MLLT3: variants seen among roughly 807,000 people sequenced by gnomAD.
MLLT3 encodes the protein protein AF-9.
MLLT3 carries 4 observed loss-of-function variants against 53.2 expected under a neutral mutation model. The ratio of observed to expected loss-of-function variants is 0.08; its 90% CI spans 0.04 to 0.17. The LOEUF is 0.17. Ranked by LOEUF, MLLT3 falls within the 10% of genes least tolerant of loss-of-function variation. The pLI is 1.00. For synonymous variants in MLLT3, 283 were observed against 230.6 expected (o/e 1.23, Z -2.06); for missense variants, 569 against 684.0 (o/e 0.83, Z 1.87).
At chr9:20,350,468 G>A (rs995618100) in intron 10 of MLLT3, among the ~76,000 whole-genome samples, 11 of 150,880 alleles carry the variant, frequency 7.3e-5, no homozygotes, top group South Asian at 2.1e-4. Context: ...GGTGGCGGGC[G>A]CCTGTAGTCC....
chr9:20,479,289 C>T (rs956762107), intron 2 of MLLT3, among the ~76,000 whole-genome samples: 1 of 152,060 alleles, frequency 6.6e-6, no homozygotes. Flanking sequence ...ACTTGTACCC[C>T]AAGGCAATTA....
intron 2 of MLLT3, among the ~76,000 whole-genome samples, chr9:20,528,273 TTC>T (rs1275299420): frequency 6.6e-6 from 1 of 152,234 alleles, no homozygotes; most frequent in Non-Finnish European, 1.5e-5. Context: ...CATAAAGCCA[TTC>T]TCTGATTTCA....
chr9:20,554,774 G>A (rs962112921), intron 2 of MLLT3, among the ~76,000 whole-genome samples: 17 of 152,110 alleles, frequency 1.1e-4, no homozygotes, highest in African/African-American at 1.7e-4. Context: ...TGTTTGTTCC[G>A]AAACCTGGCT....
At chr9:20,372,509 TC>T (rs1821632410) in intron 5 of MLLT3, among the ~76,000 whole-genome samples, 1 of 149,334 alleles carries the variant, frequency 6.7e-6, no homozygotes, top group Non-Finnish European at 1.5e-5. Flanking sequence ...TGCCTCAGCC[TC>T]CTGAGTAGCT....
chr9:20,462,251 T>C (rs1824128157), intron 2 of MLLT3, among the ~76,000 whole-genome samples: 1 of 152,208 alleles, frequency 6.6e-6, no homozygotes, highest in Admixed American at 6.5e-5. Context: ...TCATCCCACT[T>C]CAAAACAGAT....
At chr9:20,447,743 T>A (rs1823740468) in intron 4 of MLLT3, among the ~76,000 whole-genome samples, 1 of 152,218 alleles carries the variant, frequency 6.6e-6, no homozygotes, top group African/African-American at 2.4e-5. Flanking sequence ...TTTCTTTTTA[T>A]ATAATTTTTA....
chr9:20,352,890 C>G (rs2118605027), intron 10 of MLLT3, among the ~76,000 whole-genome samples: 1 of 152,050 alleles, frequency 6.6e-6, no homozygotes, highest in Non-Finnish European at 1.5e-5. Flanking sequence ...TTACCAATAG[C>G]TGCTGGTAGT....
chr9:20,542,089 A>G (rs1818650261), intron 2 of MLLT3, among the ~76,000 whole-genome samples: 1 of 152,198 alleles, frequency 6.6e-6, no homozygotes, highest in African/African-American at 2.4e-5. Context: ...TATTTCTTAT[A>G]TAATAGTAAG....
In MLLT3 at chr9:20,590,888, C is replaced by T. The variant is rs531524866; in HGVS notation, c.193+29766G>A. Among the ~76,000 whole-genome samples, 9 of 149,640 alleles carry T rather than the reference C, an allele frequency of 6.0e-5. No homozygotes were observed. In the South Asian group the frequency reaches 1.9e-3, roughly 32 times the overall value. ...GTAGTTGGGATGGATGATGGACATG[C>T]ATCACCATACTTAGCTAATTTTTTT... is the stretch of plus-strand genomic sequence containing the variant. On this transcript the variant is annotated intron_variant, in intron 2 of 10. Coordinates refer to ENST00000380338, the MANE Select transcript of MLLT3 (RefSeq NM_004529.4).
At chr9:20,384,028 T>A (rs546272885) in intron 5 of MLLT3, among the ~76,000 whole-genome samples, 1 of 152,150 alleles carries the variant, frequency 6.6e-6, no homozygotes, top group South Asian at 2.1e-4. Context: ...TTTGAGAAGT[T>A]TTTCCTTTTG....
At chr9:20,534,830 G>A (rs1291938455) in intron 2 of MLLT3, among the ~76,000 whole-genome samples, 1 of 152,086 alleles carries the variant, frequency 6.6e-6, no homozygotes, top group Non-Finnish European at 1.5e-5. Flanking sequence ...AGCTTGCAGT[G>A]AGCTGAGATG....
intron 2 of MLLT3, among the ~76,000 whole-genome samples, chr9:20,522,328 C>G (rs1818084187): frequency 6.6e-6 from 1 of 150,992 alleles, no homozygotes; most frequent in Non-Finnish European, 1.5e-5. Flanking sequence ...TAGTTCTGTG[C>G]TGTATTTAAA....
At chr9:20,552,442 A>T (rs1818946986) in intron 2 of MLLT3, among the ~76,000 whole-genome samples, 1 of 152,270 alleles carries the variant, frequency 6.6e-6, no homozygotes, top group South Asian at 2.1e-4. Context: ...GTGTGAGCAG[A>T]ATCAGCTCAT....
chr9:20,610,413 G>A (rs1269363351), intron 2 of MLLT3, among the ~76,000 whole-genome samples: 8 of 152,178 alleles, frequency 5.3e-5, no homozygotes, highest in African/African-American at 1.9e-4. Flanking sequence ...ATTCTCAGCA[G>A]ACACAATGTT....
At chr9:20,383,059 A>G (rs1821943114) in intron 5 of MLLT3, among the ~76,000 whole-genome samples, 1 of 151,876 alleles carries the variant, frequency 6.6e-6, no homozygotes, top group Non-Finnish European at 1.5e-5. Flanking sequence ...GCCCCTACTC[A>G]TAATTTGAGC....
At chr9:20,577,778 A>C (rs539957124) in intron 2 of MLLT3, among the ~76,000 whole-genome samples, 1 of 152,342 alleles carries the variant, frequency 6.6e-6, no homozygotes, top group South Asian at 2.1e-4. Flanking sequence ...GAGTGAACAC[A>C]CACACCATTT....
chr9:20,346,884 G>C (rs559710239), intron 10 of MLLT3, among the ~76,000 whole-genome samples: 13 of 152,038 alleles, frequency 8.6e-5, no homozygotes, highest in African/African-American at 3.1e-4. Flanking sequence ...AGCATTTCAA[G>C]ACTCCTTTAA....
Position 20,343,493 on chromosome 9 carries a change from A to G in MLLT3, c.*2950T>C. 1 of 227,170 alleles carries G rather than the reference A, an allele frequency of 4.4e-6. No individual in the cohort carries two copies. The highest frequency in any genetic ancestry group is 8.7e-6 in the Non-Finnish European group (1 of 114,308). The allele number at this position is 227,170 out of a possible 1,614,324, so 14.1% of individuals were successfully genotyped here. On this transcript the variant is annotated 3_prime_UTR_variant, in exon 11 of 11. Coordinates refer to ENST00000380338, the MANE Select transcript of MLLT3 (RefSeq NM_004529.4). ...AAGTAACTGCAAAATATTGTTGCTA[A>G]CATGACTGTTACATCCGAAGACAGA...
In MLLT3 at chr9:20,342,557, A is replaced by G. The variant is rs911503705; in HGVS notation, c.*3886T>C. The G allele has an allele frequency of 1.4e-4, 32 of 222,090 alleles. No individual in the cohort carries two copies. The highest frequency in any genetic ancestry group is 7.2e-4 in the African/African-American group (32 of 44,696). The allele number at this position is 222,090 out of a possible 1,614,324, so 13.8% of individuals were successfully genotyped here. Reference sequence around the variant, plus strand: ...TACTGGAGTACAAGTGCCAAAATACACATTTACAGTTTACAGACAGCGGTG... The same window carrying G: ...TACTGGAGTACAAGTGCCAAAATACGCATTTACAGTTTACAGACAGCGGTG... On this transcript the variant is annotated 3_prime_UTR_variant, in exon 11 of 11. Coordinates refer to ENST00000380338, the MANE Select transcript of MLLT3 (RefSeq NM_004529.4).
Sources: allele counts gnomAD v4.1 joint callset (sites outside exome capture counted in the v4.1 genomes callset), GRCh38; gene constraint gnomAD v4.1.1; transcripts MANE v1.5; gene names NCBI Gene and HGNC (gene_info 2026-07-23, HGNC 2026-07-21).